MYCBP2: variants seen among roughly 807,000 people sequenced by gnomAD.
MYCBP2 encodes the protein E3 ubiquitin-protein ligase MYCBP2.
A neutral mutation model predicts 525.3 loss-of-function variants in MYCBP2; 120 were observed. The ratio of observed to expected loss-of-function variants is 0.23; its 90% CI spans 0.20 to 0.27. The LOEUF is 0.27. Among genes scored for constraint, MYCBP2 ranks in the 10% least tolerant of loss-of-function variants. The pLI, the probability that MYCBP2 is intolerant of heterozygous loss-of-function variation, is 1.00. For missense variants in MYCBP2, 4,149 were observed against 5,657.1 expected, an observed-to-expected ratio of 0.73 and a Z score of 8.55; for synonymous variants, 1,894 against 1,955.8, an observed-to-expected ratio of 0.97 and a Z score of 0.83.
chr13:77,192,569 G>A (rs1595297534), intron 27 of MYCBP2, among the ~76,000 whole-genome samples: 1 of 152,294 alleles, frequency 6.6e-6, no homozygotes, highest in African/African-American at 2.4e-5. Flanking sequence ...GCAGGAGAAT[G>A]TCATGAAAAA....
At chr13:77,091,127 A>G (rs762771836) in intron 59 of MYCBP2, among the ~76,000 whole-genome samples, 2 of 151,742 alleles carry the variant, frequency 1.3e-5, no homozygotes, top group African/African-American at 2.4e-5. Context: ...CCTTGGTAAA[A>G]TTATCTATTT....
At chr13:77,108,513 C>T (rs1340322215) in intron 55 of MYCBP2, among the ~76,000 whole-genome samples, 1 of 152,064 alleles carries the variant, frequency 6.6e-6, no homozygotes, top group Non-Finnish European at 1.5e-5. Context: ...CCACAAGTTG[C>T]TTATTAGTTG....
intron 34 of MYCBP2, among the ~76,000 whole-genome samples, chr13:77,179,290 T>G (rs778724882): frequency 6.6e-6 from 1 of 152,188 alleles, no homozygotes; most frequent in South Asian, 2.1e-4. Context: ...ACTGAATATA[T>G]GCTGATTATT....
intron 59 of MYCBP2, among the ~76,000 whole-genome samples, chr13:77,090,971 C>T (rs2154119277): frequency 6.6e-6 from 1 of 152,256 alleles, no homozygotes; most frequent in South Asian, 2.1e-4. Context: ...AATCCCTTCT[C>T]TTTCTTATTT....
intron 14 of MYCBP2, among the ~76,000 whole-genome samples, chr13:77,254,794 A>G (rs1057248533): frequency 1.3e-5 from 2 of 151,838 alleles, no homozygotes; most frequent in East Asian, 3.9e-4. Flanking sequence ...GGTAATCACT[A>G]TTCTATTTAC....
At chr13:77,173,050 C>G (rs1004418808) in intron 37 of MYCBP2, among the ~76,000 whole-genome samples, 6 of 152,192 alleles carry the variant, frequency 3.9e-5, no homozygotes, top group Admixed American at 3.3e-4. Flanking sequence ...ACCATCTCCA[C>G]TAGTGTCATC....
At chr13:77,224,330 G>C in intron 20 of MYCBP2, 121 bp downstream of exon 20, 1 of 666,986 alleles carries the variant, frequency 1.5e-6, no homozygotes, top group Admixed American at 3.1e-5. Flanking sequence ...GCAAAGCAGT[G>C]GTATAATATT....
At position 77,176,600 on chromosome 13, in the gene MYCBP2, G is replaced by C. The variant is rs370200301; in HGVS notation, c.5369C>G (p.Ser1790Cys). 1.3e-6 allele frequency: 2 copies of C among 1,579,774 alleles called. No homozygotes were observed. The highest frequency in any genetic ancestry group is 1.7e-6 in the Non-Finnish European group (2 of 1,158,958). ...DSEHAGDSTHSHRWTSLELVK... is the reference protein window; with the variant it reads ...DSEHAGDSTHCHRWTSLELVK... ...TAATTCCAGAGATGTCCATCTGTGG[G>C]AATGAGTTGAATCTCCTGCATGTTC... The change falls in exon 36 of 83, where the codon TCC (serine) becomes TGC (cysteine). Residue 1790 changes from serine to cysteine, a missense_variant. Ser to Cys is a moderately radical substitution (Grantham distance 112, BLOSUM62 -1). Transcript: ENST00000544440.
intron 30 of MYCBP2, among the ~76,000 whole-genome samples, chr13:77,187,735 G>GT (rs1219266944): frequency 6.6e-6 from 1 of 152,038 alleles, no homozygotes; most frequent in Non-Finnish European, 1.5e-5. Flanking sequence ...GTACTAATAA[G>GT]TTTTTTTGCA....
chr13:77,137,319 T>A (rs950140941), intron 52 of MYCBP2, among the ~76,000 whole-genome samples: 5 of 152,216 alleles, frequency 3.3e-5, no homozygotes, highest in African/African-American at 1.2e-4. Context: ...ACTTGCTTTA[T>A]CTGTGTGAGT....
intron 55 of MYCBP2, chr13:77,099,989 C>T (rs2154131947): frequency 6.6e-6 from 1 of 152,152 alleles, no homozygotes. Flanking sequence ...ACCTTTCCTC[C>T]TTAAAATAAA....
At chr13:77,180,764 T>A (rs1010920583) in intron 33 of MYCBP2, among the ~76,000 whole-genome samples, 5 of 151,992 alleles carry the variant, frequency 3.3e-5, no homozygotes, top group African/African-American at 1.2e-4. Flanking sequence ...AATGTTTTTT[T>A]AAAAAGTTAG....
chr13:77,122,933 C>T (rs1474953800), intron 54 of MYCBP2, among the ~76,000 whole-genome samples: 1 of 152,024 alleles, frequency 6.6e-6, no homozygotes. Flanking sequence ...AGAAAAACAC[C>T]CATGAACAGT....
At position 77,181,780 on chromosome 13, in the gene MYCBP2, T is replaced by G; in HGVS notation, c.4862A>C (p.Lys1621Thr). 6.2e-7 allele frequency: 1 copy of G among 1,614,144 alleles called. No individual in the cohort carries two copies. Among genetic ancestry groups the G allele is most frequent in the Non-Finnish European group, 8.5e-7 (1 of 1,179,998 alleles). The change falls in exon 33 of 83, where the codon AAA becomes ACA. Residue 1621 changes from lysine (K) to threonine (T), a missense_variant. This residue lies in a region of MYCBP2 where 292 missense variants were observed against 330.5 expected (regional missense o/e 0.88). Coordinates refer to ENST00000544440, the MANE Select transcript of MYCBP2 (RefSeq NM_015057.5). ...DGEVLLRSIV[K>T]QVSTENDSTL... ...TGAGTCGTTCTCTGTACTAACTTGTTTAACAATTGATCGTAGTAATACTTC... is the reference window on the plus strand; with the variant it reads ...TGAGTCGTTCTCTGTACTAACTTGTGTAACAATTGATCGTAGTAATACTTC...
At chr13:77,131,436 T>C (rs2052776277) in intron 52 of MYCBP2, among the ~76,000 whole-genome samples, 1 of 151,638 alleles carries the variant, frequency 6.6e-6, no homozygotes, top group Non-Finnish European at 1.5e-5. Flanking sequence ...GCAGGACTCC[T>C]TGAGCCCAGA....
intron 2 of MYCBP2, among the ~76,000 whole-genome samples, chr13:77,291,318 C>T (rs936616335): frequency 3.9e-5 from 6 of 152,130 alleles, no homozygotes; most frequent in African/African-American, 1.4e-4. Flanking sequence ...CAAGCTAAAA[C>T]CACAATGGGA....
At chr13:77,161,468 G>A (rs953470975) in intron 44 of MYCBP2, among the ~76,000 whole-genome samples, 2 of 152,118 alleles carry the variant, frequency 1.3e-5, no homozygotes, top group South Asian at 2.1e-4. Context: ...ATGACATACT[G>A]GTTTGTCACA....
At position 77,200,988 on chromosome 13, in the gene MYCBP2, C is replaced by T. The variant is rs895991196; in HGVS notation, c.3843+4268G>A. Reference sequence around the variant, plus strand: ...ACTAGGAAGAAACTGCATCAATTAACGAGCAAAATAACCAGCTAACATCAT... The same window carrying T: ...ACTAGGAAGAAACTGCATCAATTAATGAGCAAAATAACCAGCTAACATCAT... On this transcript the variant is annotated intron_variant, in intron 26 of 82. Transcript: ENST00000544440. Among the ~76,000 whole-genome samples, 19 of 151,782 alleles carry T rather than the reference C, an allele frequency of 1.3e-4. No homozygotes were observed. The East Asian group carries it at 2.9e-3, about 23-fold the overall frequency.
At chr13:77,146,796 C>A (rs2154189732) in intron 47 of MYCBP2, among the ~76,000 whole-genome samples, 1 of 152,126 alleles carries the variant, frequency 6.6e-6, no homozygotes, top group East Asian at 1.9e-4. Flanking sequence ...CATGCAGCAC[C>A]TGCTACTTTC....
Sources: allele counts gnomAD v4.1 joint callset (sites outside exome capture counted in the v4.1 genomes callset), GRCh38; gene constraint gnomAD v4.1.1; regional missense constraint gnomAD v4.1.1; transcripts MANE v1.5; gene names NCBI Gene and HGNC (gene_info 2026-07-23, HGNC 2026-07-21).